Variants in BANP observed in about 807,000 individuals in gnomAD.
The protein encoded by BANP is protein BANP.
A neutral mutation model predicts 68.1 loss-of-function variants in BANP; 11 were observed. The ratio of observed to expected loss-of-function variants is 0.16; its 90% confidence interval spans 0.10 to 0.27. BANP has a LOEUF of 0.27. BANP is among the 10% of genes least tolerant of loss of function. BANP has a pLI of 1.00. For synonymous variants in BANP, 329 were observed against 303.2 expected (o/e 1.09, Z -0.88); for missense variants, 504 against 722.7 (o/e 0.70, Z 3.47).
chr16:87,969,226 T>G (rs1210117716), intron 1 of BANP, among the ~76,000 whole-genome samples: 1 of 64,666 alleles, frequency 1.5e-5, no homozygotes, highest in Non-Finnish European at 2.8e-5. Flanking sequence ...ATGCCTTACG[T>G]TGTTTTGTTG....
chr16:87,974,554 T>A (rs11117330), intron 1 of BANP, among the ~76,000 whole-genome samples: 52,969 of 152,038 alleles, frequency 0.35, 10,525 homozygotes, highest in Non-Finnish European at 0.47. Context: ...TCTAGATGGA[T>A]GCGTGCAGCT....
chr16:88,059,017 T>A (rs532813919), intron 11 of BANP, among the ~76,000 whole-genome samples: 32 of 151,800 alleles, frequency 2.1e-4, no homozygotes, highest in Non-Finnish European at 4.4e-4. Context: ...CCAGTGTGTA[T>A]CAGGGATGTT....
intron 11 of BANP, among the ~76,000 whole-genome samples, chr16:88,053,573 CCATCAT>C (rs371710674): frequency 3.1e-5 from 4 of 127,912 alleles, no homozygotes; most frequent in South Asian, 2.9e-4. Context: ...ACCATCATCT[CCATCAT>C]CATCATCATC....
At position 88,057,474 on chromosome 16, in the gene BANP, CT is replaced by C. The variant is rs1398661884; in HGVS notation, c.1312-7792del. ...ATGCCCTGGAGACTCTTGCGGTCCC[CT>C]CCACGTGTTCACCTCGTCAGAGTCA... is the stretch of plus-strand genomic sequence containing the variant. On this transcript the variant is annotated intron_variant, in intron 11 of 13. Coordinates refer to ENST00000682872, the MANE Select transcript of BANP (RefSeq NM_001386991.1). The surrounding 1 kb of genome is among the most constrained non-coding windows in gnomAD (Gnocchi z 4.6). Among the ~76,000 whole-genome samples, 1 of 152,036 alleles carries C rather than the reference CT, an allele frequency of 6.6e-6. No individual in the cohort carries two copies. The highest frequency in any genetic ancestry group is 2.4e-5 in the African/African-American group (1 of 41,382).
rs547535949 is a variant in BANP, at chr16:87,951,766, T to A, written c.-69+251T>A. On this transcript the variant is annotated intron_variant, in intron 1 of 13. Coordinates refer to ENST00000682872, the MANE Select transcript of BANP (RefSeq NM_001386991.1). ...CCGGCCCCACCGCGCCCGGCGTCCG[T>A]TGAGCCGCGGCTGCCGCAGCCCGGC... Among the ~76,000 whole-genome samples, 24 of 151,436 alleles carry A rather than the reference T, an allele frequency of 1.6e-4. No individual in the cohort carries two copies. The South Asian group carries it at 4.1e-3, about 26-fold the overall frequency.
chr16:88,046,555 A>AT (rs894428201), intron 11 of BANP, among the ~76,000 whole-genome samples: 8 of 151,578 alleles, frequency 5.3e-5, no homozygotes, highest in Non-Finnish European at 8.8e-5. Flanking sequence ...TTTAATTTTT[A>AT]TTTTTTTTGA....
rs1375208094 is a variant in BANP, at chr16:88,076,899, G to C, written c.*238G>C. 1.1e-5 allele frequency: 6 copies of C among 529,630 alleles called. No individual in the cohort carries two copies. The African/African-American group carries it at 1.2e-4, about 10-fold the overall frequency. 32.8% of individuals were successfully genotyped at this position (529,630 alleles called of 1,614,324 possible). A position where few individuals can be genotyped will look rare whatever the true frequency, so the allele number is the denominator to read the frequency against. On this transcript the variant is annotated 3_prime_UTR_variant, in exon 14 of 14. Coordinates refer to ENST00000682872, the MANE Select transcript of BANP (RefSeq NM_001386991.1). ...CTGTTGGTGTCGGAGCACGAGGGGA[G>C]GCACGGTGCGGAGAGCGTCGCATAT... is the stretch of plus-strand genomic sequence containing the variant.
At chr16:87,978,475 G>A in intron 2 of BANP, 1 of 386,744 alleles carries the variant, frequency 2.6e-6, no homozygotes, top group Non-Finnish European at 5.3e-6. Flanking sequence ...TGAGAGTAGA[G>A]CCTTTGACTG....
intron 7 of BANP, among the ~76,000 whole-genome samples, chr16:88,019,772 C>T (rs2075622158): frequency 6.6e-6 from 1 of 151,700 alleles, no homozygotes; most frequent in South Asian, 2.1e-4. Flanking sequence ...GAGCCTTGCT[C>T]CTCTGGGAAG....
chr16:87,959,927 C>G (rs971257162), intron 1 of BANP: 1 of 152,702 alleles, frequency 6.5e-6, no homozygotes, highest in Non-Finnish European at 1.5e-5. Context: ...TGTGGAAGTG[C>G]TGGGATGGCT....
In BANP at chr16:88,054,501, A is replaced by T. The variant is rs576817792; in HGVS notation, c.1312-10766A>T. Among the ~76,000 whole-genome samples, 14 of 152,024 alleles carry T rather than the reference A, an allele frequency of 9.2e-5. No homozygotes were observed. In the South Asian group the frequency reaches 2.5e-3, roughly 27 times the overall value. On this transcript the variant is annotated intron_variant, in intron 11 of 13. Coordinates refer to ENST00000682872, the MANE Select transcript of BANP (RefSeq NM_001386991.1). ...CCAACAACACATCTATCACAGCATG[A>T]CCTCTACCACCATTGTCCCTGTCAC...
intron 11 of BANP, among the ~76,000 whole-genome samples, chr16:88,049,987 T>C (rs542566806): frequency 1.3e-5 from 2 of 152,326 alleles, no homozygotes; most frequent in African/African-American, 4.8e-5. Context: ...ATTCTTCCAA[T>C]TAAGAACCCT....
chr16:88,032,912 C>G (rs192019591), intron 8 of BANP, among the ~76,000 whole-genome samples, 197 bp from the exon 9 acceptor site: 1 of 152,212 alleles, frequency 6.6e-6, no homozygotes, highest in Non-Finnish European at 1.5e-5. Context: ...CATTCCATGT[C>G]GGAAGCCTCA....
At chr16:87,950,203 A>G (rs1166589940), upstream of BANP, among the ~76,000 whole-genome samples, 2 of 152,122 alleles carry the variant, frequency 1.3e-5, no homozygotes, top group African/African-American at 4.8e-5. Flanking sequence ...CAGTGAAAAT[A>G]GCTGCCTCGC....
At chr16:87,964,521 G>A (rs1269986259) in intron 1 of BANP, among the ~76,000 whole-genome samples, 9 of 152,268 alleles carry the variant, frequency 5.9e-5, no homozygotes, top group Non-Finnish European at 8.8e-5. Context: ...GCATGGGGAG[G>A]CCCAAATGCA....
At position 88,004,366 on chromosome 16, in the gene BANP, C is replaced by G; in HGVS notation, c.434C>G (p.Pro145Arg). 6.5e-7 allele frequency: 1 copy of G among 1,549,474 alleles called. No homozygotes were observed. Among genetic ancestry groups the G allele is most frequent in the Non-Finnish European group, 8.7e-7 (1 of 1,145,900 alleles). ...GCCATTGTAGCCAAGATGGAAGACC[C>G]CTTGAGCAACAGGGCACCGGATTCC... ...QNAIVAKMED[P>R]LSNRAPDSLE... Residue 145 changes from proline to arginine, a missense_variant, in exon 5 of 14, where the codon CCC (proline) becomes CGC (arginine). Physicochemically the swap from Pro to Arg is moderately radical, Grantham distance 103. This residue lies in a region of BANP where 238 missense variants were observed against 278.9 expected (regional missense o/e 0.85). Transcript: ENST00000682872. This position sits in a 1 kb window ranked among gnomAD's most constrained non-coding sequence, Gnocchi z 7.0.
intron 11 of BANP, among the ~76,000 whole-genome samples, chr16:88,053,094 A>C: frequency 6.7e-6 from 1 of 149,074 alleles, no homozygotes; most frequent in African/African-American, 2.5e-5. Flanking sequence ...CAACCACCCT[A>C]ACAACCACTA....
At chr16:88,052,926 C>T (rs911976017) in intron 11 of BANP, among the ~76,000 whole-genome samples, 1 of 151,604 alleles carries the variant, frequency 6.6e-6, no homozygotes, top group African/African-American at 2.4e-5. Context: ...ACACAACCAC[C>T]TTAACCACTA....
intron 13 of BANP, among the ~76,000 whole-genome samples, chr16:88,073,646 G>C (rs1019440946): frequency 1.3e-5 from 2 of 152,210 alleles, no homozygotes; most frequent in South Asian, 2.1e-4. Context: ...AGTCAGGCGT[G>C]GCTGCCTCAG....
Sources: allele counts gnomAD v4.1 joint callset (sites outside exome capture counted in the v4.1 genomes callset), GRCh38; gene constraint gnomAD v4.1.1; regional missense constraint gnomAD v4.1.1; non-coding constraint Gnocchi (gnomAD v3.1); transcripts MANE v1.5; gene names NCBI Gene and HGNC (gene_info 2026-07-23, HGNC 2026-07-21).